Variants in TANC2 observed in about 807,000 individuals in gnomAD.
The protein encoded by TANC2 is tetratricopeptide repeat, ankyrin repeat and coiled-coil containing 2.
A neutral mutation model predicts 210.5 loss-of-function variants in TANC2; 26 were observed. That is an observed-to-expected ratio of 0.12 (90% CI 0.09 to 0.17). The LOEUF is 0.17. Among genes scored for constraint, TANC2 ranks in the 10% least tolerant of loss-of-function variants. The pLI, the probability that TANC2 is intolerant of heterozygous loss-of-function variation, is 1.00. For missense variants in TANC2, 2,129 were observed against 2,608.9 expected, an observed-to-expected ratio of 0.82 and a Z score of 4.01; for synonymous variants, 931 against 967.1, an observed-to-expected ratio of 0.96 and a Z score of 0.69.
At chr17:63,312,445 A>G (rs1346153434) in intron 9 of TANC2, among the ~76,000 whole-genome samples, 1 of 152,182 alleles carries the variant, frequency 6.6e-6, no homozygotes, top group Non-Finnish European at 1.5e-5. Context: ...TCATTATCCT[A>G]AGTGAATTAA....
intron 18 of TANC2, 38 bp from the exon 19 acceptor site, chr17:63,398,783 C>A: frequency 6.9e-7 from 1 of 1,456,102 alleles, no homozygotes; most frequent in Non-Finnish European, 9.4e-7. Flanking sequence ...GCATAGTTTT[C>A]CACCTGAAGT....
intron 7 of TANC2, among the ~76,000 whole-genome samples, chr17:63,222,890 C>T (rs561697848): frequency 6.6e-6 from 1 of 152,252 alleles, no homozygotes; most frequent in South Asian, 2.1e-4. Flanking sequence ...TCCAAATGCC[C>T]ACCCACAGAT....
chr17:63,288,426 T>C (rs1285249491), intron 9 of TANC2, among the ~76,000 whole-genome samples: 1 of 152,252 alleles, frequency 6.6e-6, no homozygotes, highest in Non-Finnish European at 1.5e-5. Flanking sequence ...AAGATCTGTT[T>C]TATGGTTCAG....
At chr17:63,348,157 T>G (rs1467400618) in intron 12 of TANC2, among the ~76,000 whole-genome samples, 3 of 152,216 alleles carry the variant, frequency 2.0e-5, no homozygotes, top group Non-Finnish European at 1.5e-5. Context: ...GATATGAGTC[T>G]TCTTTTTCAA....
intron 15 of TANC2, among the ~76,000 whole-genome samples, chr17:63,384,936 T>A (rs542153629): frequency 6.6e-6 from 1 of 152,326 alleles, no homozygotes; most frequent in East Asian, 1.9e-4. Context: ...AGGTCCTGAA[T>A]CAGGTGCCAA....
intron 14 of TANC2, among the ~76,000 whole-genome samples, chr17:63,356,113 A>C (rs1047654021): frequency 6.6e-6 from 1 of 151,850 alleles, no homozygotes; most frequent in African/African-American, 2.4e-5. Flanking sequence ...CAACAGGATC[A>C]CTGATTTACC....
intron 5 of TANC2, among the ~76,000 whole-genome samples, chr17:63,161,604 T>C (rs908174926): frequency 1.3e-5 from 2 of 152,196 alleles, no homozygotes; most frequent in African/African-American, 4.8e-5. Context: ...ATCATTTTCA[T>C]AGTGTATTTT....
chr17:63,219,838 G>C (rs544422307), intron 7 of TANC2, among the ~76,000 whole-genome samples: 2 of 151,978 alleles, frequency 1.3e-5, no homozygotes, highest in African/African-American at 2.4e-5. Flanking sequence ...AGAAATTAAC[G>C]ACCTGATATT....
At chr17:63,198,842 TAAAAAATTG>T (rs951300220) in intron 6 of TANC2, among the ~76,000 whole-genome samples, 2 of 152,156 alleles carry the variant, frequency 1.3e-5, no homozygotes, top group Non-Finnish European at 2.9e-5. Context: ...ATAGAGATTT[TAAAAAATTG>T]AAACTCTCCT....
rs1335230487 is a variant in TANC2 at position 63,074,032 on chromosome 17, T to A, written c.139+18T>A. The A allele has an allele frequency of 6.5e-7, 1 of 1,549,750 alleles. No homozygotes were observed. Among genetic ancestry groups the A allele is most frequent in the South Asian group, 1.2e-5 (1 of 82,574 alleles). The stretch of plus-strand genomic sequence containing the variant: ...TGGGCAAGGTAAATTTTCATCAGAT[T>A]GATTATTAAATTTCAAAAAATAACG... On this transcript the variant is annotated intron_variant, in intron 3 of 27. Transcript: ENST00000689528.
intron 11 of TANC2, among the ~76,000 whole-genome samples, chr17:63,321,627 A>G (rs549700896): frequency 4.2e-4 from 64 of 152,278 alleles, no homozygotes; most frequent in Middle Eastern, 3.4e-3. Flanking sequence ...TGGAGAGTAT[A>G]TGTCTTGGGT....
intron 4 of TANC2, among the ~76,000 whole-genome samples, chr17:63,114,113 TAAAAA>T (rs1196968885): frequency 6.6e-6 from 1 of 152,214 alleles, no homozygotes; most frequent in African/African-American, 2.4e-5. Flanking sequence ...TGCTTATCAA[TAAAAA>T]CATTCTGAAA....
At chr17:62,983,500 A>G (rs944755558) in intron 1 of TANC2, among the ~76,000 whole-genome samples, 1 of 152,048 alleles carries the variant, frequency 6.6e-6, no homozygotes, top group Non-Finnish European at 1.5e-5. Context: ...GAATTGCAGT[A>G]CTATGTTGAA....
At chr17:62,994,256 C>T (rs1281175522) in intron 1 of TANC2, among the ~76,000 whole-genome samples, 1 of 151,876 alleles carries the variant, frequency 6.6e-6, no homozygotes, top group Non-Finnish European at 1.5e-5. Flanking sequence ...TCACTGCACC[C>T]TCTGCCTCCT....
chr17:63,246,596 T>C (rs192510860), intron 8 of TANC2, among the ~76,000 whole-genome samples: 19 of 152,304 alleles, frequency 1.2e-4, no homozygotes, highest in Admixed American at 7.8e-4. Flanking sequence ...CTGGCTTCTT[T>C]CACTCAGCAT....
intron 4 of TANC2, among the ~76,000 whole-genome samples, chr17:63,140,711 T>C (rs894298476): frequency 6.6e-6 from 1 of 152,214 alleles, no homozygotes. Context: ...TAAATCATCT[T>C]TTACATCCTA....
At chr17:63,181,211 T>G (rs1401647510) in intron 5 of TANC2, among the ~76,000 whole-genome samples, 2 of 152,064 alleles carry the variant, frequency 1.3e-5, no homozygotes, top group African/African-American at 4.8e-5. Context: ...GCCCATGGTT[T>G]GTTAGTGATA....
chr17:63,101,270 G>A (rs1464430915), intron 4 of TANC2, among the ~76,000 whole-genome samples: 3 of 152,000 alleles, frequency 2.0e-5, no homozygotes, highest in South Asian at 2.1e-4. Flanking sequence ...AAAATTAGCC[G>A]ACCGTAAAGA....
chr17:63,233,780 A>G (rs1286300828), intron 7 of TANC2, among the ~76,000 whole-genome samples: 1 of 152,232 alleles, frequency 6.6e-6, no homozygotes, highest in African/African-American at 2.4e-5. Flanking sequence ...AATTTACTTA[A>G]TTCTTACGAA....
Sources: gnomAD v4.1 joint callset for allele counts (sites outside exome capture counted in the v4.1 genomes callset) on GRCh38, gnomAD v4.1.1 for gene constraint, MANE v1.5 for transcripts, NCBI Gene and HGNC (gene_info 2026-07-23, HGNC 2026-07-21) for gene names.